Variants in PARD6G observed in about 807,000 individuals in gnomAD.
PARD6G encodes par-6 family cell polarity regulator gamma.
Under a neutral mutation model 10.7 loss-of-function variants are expected in PARD6G, and 7 were observed. That is an observed-to-expected ratio of 0.66 (90% CI 0.37 to 1.23). The LOEUF (loss-of-function observed/expected upper bound fraction) is 1.23. PARD6G is among the 50% of genes most tolerant of loss of function. The pLI, the probability that PARD6G is intolerant of heterozygous loss-of-function variation, is 0.02. For synonymous variants in PARD6G, 287 were observed against 269.4 expected, an observed-to-expected ratio of 1.07 and a Z score of -0.64; for missense variants, 548 against 571.8, an observed-to-expected ratio of 0.96 and a Z score of 0.42.
chr18:80,219,502 G>T (rs149646050), intron 1 of PARD6G, among the ~76,000 whole-genome samples: 1 of 151,744 alleles, frequency 6.6e-6, no homozygotes, highest in African/African-American at 2.4e-5. Context: ...GAGCCACTGC[G>T]CCCAGCCGGG....
chr18:80,233,307 A>T (rs1324360392), intron 1 of PARD6G, among the ~76,000 whole-genome samples: 1 of 152,204 alleles, frequency 6.6e-6, no homozygotes, highest in Non-Finnish European at 1.5e-5. Context: ...GCCACCGCAT[A>T]GCCGGTGACT....
At position 80,175,572 on chromosome 18, in the gene PARD6G, C is replaced by T. The variant is rs112452326; in HGVS notation, c.296-14966G>A. Among the ~76,000 whole-genome samples the T allele has an allele frequency of 0.013, 2,020 of 152,296 alleles. 40 individuals carry two copies. Among genetic ancestry groups the T allele is most frequent in the African/African-American group, 0.044 (1,846 of 41,546 alleles). ...ACAGTCAGACTGAGGGCTAGGACTT[C>T]GACATCAGAACCTGGGGTGACGTAT... On this transcript the variant is annotated intron_variant, in intron 2 of 2. Coordinates refer to ENST00000353265, the MANE Select transcript of PARD6G (RefSeq NM_032510.4). The surrounding 1 kb of genome is among the most constrained non-coding windows in gnomAD (Gnocchi z 6.7).
In PARD6G at chr18:80,228,340, C is replaced by T. The variant is rs940113477; in HGVS notation, c.72+18937G>A. Among the ~76,000 whole-genome samples, 6 of 152,072 alleles carry T rather than the reference C, an allele frequency of 3.9e-5. No homozygotes were observed. The highest frequency in any genetic ancestry group is 7.4e-5 in the Non-Finnish European group (5 of 67,982). Reference sequence around the variant, plus strand: ...CAGGGGAGGGGAGTTCCCGGACACACGGTCCTGGAGAACACAGGCCACATG... The same window carrying T: ...CAGGGGAGGGGAGTTCCCGGACACATGGTCCTGGAGAACACAGGCCACATG... On this transcript the variant is annotated intron_variant, in intron 1 of 2. Coordinates refer to ENST00000353265, the MANE Select transcript of PARD6G (RefSeq NM_032510.4). The surrounding 1 kb of genome is among the most constrained non-coding windows in gnomAD (Gnocchi z 4.6).
At chr18:80,205,808 G>A (rs1360760430) in intron 1 of PARD6G, among the ~76,000 whole-genome samples, 1 of 152,150 alleles carries the variant, frequency 6.6e-6, no homozygotes, top group Non-Finnish European at 1.5e-5. Flanking sequence ...ATGTGAGAAT[G>A]GACTAATACA....
rs141923126 is a variant in PARD6G, at chr18:80,223,406, A to G, written c.73-20474T>C. ...TGTGCCTCTGATAAGGCATATTAAA[A>G]GAAAACTCTTAAAACTCTATAATAA... is the stretch of plus-strand genomic sequence containing the variant. On this transcript the variant is annotated intron_variant, in intron 1 of 2. Transcript: ENST00000353265. 5.9e-5 allele frequency among the ~76,000 whole-genome samples: 9 copies of G among 152,344 alleles called. No homozygotes were observed. The East Asian group carries it at 1.7e-3, about 29-fold the overall frequency.
chr18:80,203,009 G>A (rs1967023812), intron 1 of PARD6G, 77 bp from the exon 2 acceptor site: 1 of 974,608 alleles, frequency 1.0e-6, no homozygotes, highest in Non-Finnish European at 1.6e-6. Context: ...GGTGTGGTTA[G>A]TGTACTTAAC....
At position 80,160,583 on chromosome 18, in the gene PARD6G, C is replaced by T. The variant is rs577822998; in HGVS notation, c.319G>A (p.Gly107Ser). 11 of 1,454,058 alleles carry T rather than the reference C, an allele frequency of 7.6e-6. No individual in the cohort carries two copies. In the South Asian group the frequency reaches 1.3e-4, roughly 17 times the overall value. The allele number at this position is 1,454,058 out of a possible 1,614,324, so 90.1% of individuals were successfully genotyped here. The change falls in exon 3 of 3, where the codon GGC (glycine) becomes AGC (serine). Residue 107 changes from glycine (G) to serine (S), a missense_variant. Transcript: ENST00000353265. ...KREEAERGSL[G>S]AGSLCRRRRA... ...CTCCGCCTGCACAGCGAGCCCGCGC[C>T]GAGGCTGCCACGCTCGGCCTCCTCT...
At chr18:80,210,656 G>GT (rs1277761366) in intron 1 of PARD6G, among the ~76,000 whole-genome samples, 2 of 152,112 alleles carry the variant, frequency 1.3e-5, no homozygotes, top group South Asian at 2.1e-4. Flanking sequence ...TTAAAAAAAA[G>GT]TTTTTTTCCA....
At chr18:80,199,328 C>G (rs532280125) in intron 2 of PARD6G, among the ~76,000 whole-genome samples, 1 of 152,354 alleles carries the variant, frequency 6.6e-6, no homozygotes, top group Admixed American at 6.5e-5. Flanking sequence ...TGAGGTTCAT[C>G]CATCTGTAGC....
chr18:80,224,820 C>T (rs1241334789), intron 1 of PARD6G, among the ~76,000 whole-genome samples: 1 of 151,564 alleles, frequency 6.6e-6, no homozygotes, highest in Non-Finnish European at 1.5e-5. Context: ...GCTCTCCAGC[C>T]TGGTCGACAG....
intron 1 of PARD6G, among the ~76,000 whole-genome samples, chr18:80,233,043 GGACAGA>G (rs1967378063): frequency 6.6e-6 from 1 of 151,880 alleles, no homozygotes; most frequent in Non-Finnish European, 1.5e-5. Flanking sequence ...GACCCTCAAG[GGACAGA>G]GCTCCACACA....
chr18:80,164,665 C>T (rs753398733), intron 2 of PARD6G, among the ~76,000 whole-genome samples: 4 of 152,198 alleles, frequency 2.6e-5, no homozygotes, highest in Non-Finnish European at 4.4e-5. Context: ...AATATTTCAA[C>T]GTAGGTTCTA....
At chr18:80,222,477 T>C (rs1192198145) in intron 1 of PARD6G, among the ~76,000 whole-genome samples, 1 of 152,210 alleles carries the variant, frequency 6.6e-6, no homozygotes, top group Non-Finnish European at 1.5e-5. Flanking sequence ...CTGTATCTTC[T>C]GTAGTAGTCA....
At chr18:80,229,148 C>T (rs748883601) in intron 1 of PARD6G, among the ~76,000 whole-genome samples, 43 of 152,116 alleles carry the variant, frequency 2.8e-4, no homozygotes, top group Non-Finnish European at 5.6e-4. Flanking sequence ...CCATGTTGGC[C>T]AGGCTGGTCT....
chr18:80,234,327 A>C (rs1258753129), intron 1 of PARD6G, among the ~76,000 whole-genome samples: 1 of 152,174 alleles, frequency 6.6e-6, no homozygotes, highest in African/African-American at 2.4e-5. Flanking sequence ...ATGCATAAGA[A>C]CAGCCAATCA....
chr18:80,247,192 G>T lies in PARD6G; in HGVS notation c.72+85C>A. 1.8e-6 allele frequency: 2 copies of T among 1,138,200 alleles called. No individual in the cohort carries two copies. Among genetic ancestry groups the T allele is most frequent in the Non-Finnish European group, 1.2e-6 (1 of 821,298 alleles). 70.5% of individuals were successfully genotyped at this position (1,138,200 alleles called of 1,614,324 possible). On this transcript the variant is annotated intron_variant, in intron 1 of 2. Transcript: ENST00000353265. The surrounding 1 kb of genome is among the most constrained non-coding windows in gnomAD (Gnocchi z 4.2). The stretch of plus-strand genomic sequence containing the variant: ...TGTCGCCGGCGCCTGTCGCCTCCAC[G>T]CCGCCCCAGTCCCCCTCCGCGGGGC...
At chr18:80,174,944 A>G (rs1228696675) in intron 2 of PARD6G, among the ~76,000 whole-genome samples, 1 of 152,020 alleles carries the variant, frequency 6.6e-6, no homozygotes, top group East Asian at 1.9e-4. Flanking sequence ...GCCAGACTCC[A>G]TCTCAAAAAA....
Position 80,202,949 on chromosome 18 carries a change from G to A in PARD6G, c.73-17C>T, listed in dbSNP as rs1377917053. 10 of 384,730 alleles carry A rather than the reference G, an allele frequency of 2.6e-5. No individual in the cohort carries two copies. The highest frequency in any genetic ancestry group is 4.3e-4 in the Middle Eastern group (1 of 2,328). 23.8% of individuals were successfully genotyped at this position (384,730 alleles called of 1,614,324 possible). On this transcript the variant is annotated splice_polypyrimidine_tract_variant and intron_variant, in intron 1 of 2. Coordinates refer to ENST00000353265, the MANE Select transcript of PARD6G (RefSeq NM_032510.4). ...CGCCCCAAACTACAATGCAAGAGAC[G>A]GGGTGGGGGGAGGGGCATTAATAAA...
At chr18:80,233,631 C>G (rs1967384904) in intron 1 of PARD6G, among the ~76,000 whole-genome samples, 1 of 152,184 alleles carries the variant, frequency 6.6e-6, no homozygotes, top group Non-Finnish European at 1.5e-5. Flanking sequence ...TCCAAATCCT[C>G]TAGAACAGCT....
Sources: allele counts gnomAD v4.1 joint callset (sites outside exome capture counted in the v4.1 genomes callset), GRCh38; gene constraint gnomAD v4.1.1; non-coding constraint Gnocchi (gnomAD v3.1); transcripts MANE v1.5; gene names NCBI Gene and HGNC (gene_info 2026-07-23, HGNC 2026-07-21).